The following ACOX3 variants were observed in gnomAD, a reference collection of about 807,000 sequenced individuals.
ACOX3 encodes acyl-CoA oxidase 3, pristanoyl.
Under a neutral mutation model 81.5 loss-of-function variants are expected in ACOX3, and 73 were observed. The ratio of observed to expected loss-of-function variants is 0.90; its 90% confidence interval spans 0.74 to 1.09. The LOEUF is 1.09. ACOX3 is among the 50% of genes least tolerant of loss of function. The pLI, the probability that ACOX3 is intolerant of heterozygous loss-of-function variation, is 0.00. For synonymous variants in ACOX3, 387 were observed against 375.1 expected (o/e 1.03, Z -0.37); for missense variants, 947 against 928.0 (o/e 1.02, Z -0.27).
chr4:8,388,512 C>G (rs1718572174), intron 13 of ACOX3, among the ~76,000 whole-genome samples: 1 of 152,254 alleles, frequency 6.6e-6, no homozygotes, highest in Non-Finnish European at 1.5e-5. Context: ...GCCAGCACGG[C>G]CAGGCGCCTC....
At chr4:8,378,490 G>A (rs28503518) in intron 14 of ACOX3, among the ~76,000 whole-genome samples, 46,126 of 151,852 alleles carry the variant, frequency 0.3, 9,946 homozygotes, top group African/African-American at 0.62. Flanking sequence ...CCAGGCTGGA[G>A]GCAGGCTGCG....
Position 8,424,619 on chromosome 4 carries a change from TA to T in ACOX3, c.-14-8085del, listed in dbSNP as rs1723268959. ...GGCATACTCACTGCTAAAGGAGACT[TA>T]CGGCTGTCAGACAACCGTTTGCTTA... is the stretch of plus-strand genomic sequence containing the variant. On this transcript the variant is annotated intron_variant, in intron 1 of 17. Transcript: ENST00000356406. Among the ~76,000 whole-genome samples, 3 of 152,356 alleles carry T rather than the reference TA, an allele frequency of 2.0e-5. No individual in the cohort carries two copies. In the South Asian group the frequency reaches 6.2e-4, roughly 32 times the overall value.
chr4:8,401,368 C>T (rs752711418), intron 7 of ACOX3, among the ~76,000 whole-genome samples: 3 of 152,158 alleles, frequency 2.0e-5, no homozygotes, highest in African/African-American at 4.8e-5. Context: ...CAGAGGCACC[C>T]GTTTCCTGCG....
chr4:8,377,364 T>A (rs1260556568), intron 14 of ACOX3, among the ~76,000 whole-genome samples: 1 of 152,110 alleles, frequency 6.6e-6, no homozygotes, highest in Non-Finnish European at 1.5e-5. Flanking sequence ...AGGCCAGACA[T>A]GCTGCGGGGG....
chr4:8,404,297 C>T (rs1038534715), intron 7 of ACOX3, among the ~76,000 whole-genome samples: 1 of 152,172 alleles, frequency 6.6e-6, no homozygotes, highest in African/African-American at 2.4e-5. Context: ...AGCCGCAGGT[C>T]GGGGTGGCGC....
At chr4:8,410,383 A>G (rs1289504902) in intron 5 of ACOX3, 28 bp from the exon 6 acceptor site, 1 of 1,609,766 alleles carries the variant, frequency 6.2e-7, no homozygotes, top group Non-Finnish European at 8.5e-7. Context: ...TAGGTTAGTT[A>G]TAATTAGCAA....
chr4:8,397,181 G>C, intron 8 of ACOX3, 62 bp from the exon 9 acceptor site: 1 of 1,442,214 alleles, frequency 6.9e-7, no homozygotes, highest in Non-Finnish European at 9.2e-7. Context: ...GGGCAGAGTG[G>C]CTCAGAGGCG....
At chr4:8,426,286 A>T (rs1578997073) in intron 1 of ACOX3, among the ~76,000 whole-genome samples, 1 of 152,044 alleles carries the variant, frequency 6.6e-6, no homozygotes, top group Non-Finnish European at 1.5e-5. Context: ...CCCTAGATAC[A>T]TACTGGGAAG....
At position 8,368,989 on chromosome 4, in the gene ACOX3, C is replaced by T. The variant is rs1011927035; in HGVS notation, c.1984-1909G>A. On this transcript the variant is annotated intron_variant, in intron 17 of 17. Transcript: ENST00000356406. This position sits in a 1 kb window ranked among gnomAD's most constrained non-coding sequence, Gnocchi z 5.9. ...GCCACCATGCTCAGCCAGGAATGCA[C>T]GTTTAATAAACCATCCTGCCAGCGA... Among the ~76,000 whole-genome samples, 5 of 152,146 alleles carry T rather than the reference C, an allele frequency of 3.3e-5. No individual in the cohort carries two copies. Among genetic ancestry groups the T allele is most frequent in the South Asian group, 2.1e-4 (1 of 4,834 alleles).
intron 15 of ACOX3, chr4:8,374,773 T>G: frequency 4.1e-6 from 2 of 486,814 alleles, no homozygotes; most frequent in South Asian, 7.2e-5. Flanking sequence ...GAAAGAAAAA[T>G]TGGGTTTCTC....
At chr4:8,412,421 T>G (rs1203537236) in intron 5 of ACOX3, among the ~76,000 whole-genome samples, 1 of 139,720 alleles carries the variant, frequency 7.2e-6, no homozygotes, top group Non-Finnish European at 1.5e-5. Context: ...AAAGAATGAA[T>G]GGATGGATGG....
In ACOX3 at chr4:8,414,388, G is replaced by A. The variant is rs753700187; in HGVS notation, c.454-7C>T. 2 of 1,612,736 alleles carry A rather than the reference G, an allele frequency of 1.2e-6. No individual in the cohort carries two copies. The highest frequency in any genetic ancestry group is 8.5e-7 in the Non-Finnish European group (1 of 1,178,744). ...GAGCAAAACATCCAAAAATCTAAATGTCAAAGCACAAAATGATGGAAAGCA... is the reference window on the plus strand; with the variant it reads ...GAGCAAAACATCCAAAAATCTAAATATCAAAGCACAAAATGATGGAAAGCA... On this transcript the variant is annotated splice_region_variant and splice_polypyrimidine_tract_variant and intron_variant, in intron 4 of 17. Coordinates refer to ENST00000356406, the MANE Select transcript of ACOX3 (RefSeq NM_003501.3). The surrounding 1 kb of genome is among the most constrained non-coding windows in gnomAD (Gnocchi z 6.1).
the ACOX3 span, among the ~76,000 whole-genome samples, chr4:8,358,704 C>CA: frequency 1.3e-5 from 2 of 152,180 alleles, no homozygotes; most frequent in Non-Finnish European, 2.9e-5. Context: ...CTCACTGCTA[C>CA]ACTCCCACCA....
chr4:8,425,376 C>A (rs1426971309), intron 1 of ACOX3, among the ~76,000 whole-genome samples: 1 of 151,836 alleles, frequency 6.6e-6, no homozygotes, highest in African/African-American at 2.4e-5. Context: ...ATAGTTTCTT[C>A]CCCTCAGGAT....
intron 13 of ACOX3, among the ~76,000 whole-genome samples, chr4:8,387,261 G>C (rs1021905552): frequency 6.6e-6 from 1 of 152,204 alleles, no homozygotes; most frequent in South Asian, 2.1e-4. Flanking sequence ...CCCCGTCCCC[G>C]TGCTGCAGAT....
At chr4:8,398,364 G>A (rs988210339) in intron 8 of ACOX3, among the ~76,000 whole-genome samples, 4 of 152,100 alleles carry the variant, frequency 2.6e-5, no homozygotes, top group African/African-American at 9.7e-5. Context: ...GTCTGGGTAC[G>A]TGCATAGGTG....
intron 13 of ACOX3, among the ~76,000 whole-genome samples, chr4:8,387,627 G>C (rs1422358811): frequency 6.6e-6 from 1 of 152,234 alleles, no homozygotes; most frequent in Admixed American, 6.5e-5. Context: ...GCTGTGGTGG[G>C]AGGAAGGCAT....
Position 8,396,944 on chromosome 4 carries a change from G to A in ACOX3, c.1049C>T (p.Pro350Leu). Residue 350 changes from proline to leucine, a missense_variant, in exon 9 of 18, where the codon CCA becomes CTA. Transcript: ENST00000356406. Reference sequence around the variant, plus strand: ...TGCTTGAAAACCTCATACCTGCATTGGATACTCAAGCACTGGTATTTCCTC... The same window carrying A: ...TGCTTGAAAACCTCATACCTGCATTAGATACTCAAGCACTGGTATTTCCTC... The part of the protein sequence containing the change: ...EEEEIPVLEY[P>L]MQQWRLLPYL... 6.2e-7 allele frequency: 1 copy of A among 1,610,706 alleles called. No individual in the cohort carries two copies. Among genetic ancestry groups the A allele is most frequent in the Non-Finnish European group, 8.5e-7 (1 of 1,178,874 alleles).
downstream of ACOX3, among the ~76,000 whole-genome samples, chr4:8,362,282 A>T (rs112427745): frequency 1.4e-3 from 215 of 152,390 alleles, 1 homozygote; most frequent in Admixed American, 5.2e-3. Context: ...AAAAAACTGA[A>T]GTAATGTTTT....
Sources: gnomAD v4.1 joint callset for allele counts (sites outside exome capture counted in the v4.1 genomes callset) on GRCh38, gnomAD v4.1.1 for gene constraint, Gnocchi (gnomAD v3.1) non-coding constraint, MANE v1.5 for transcripts, NCBI Gene and HGNC (gene_info 2026-07-23, HGNC 2026-07-21) for gene names.